The following KCNJ16 variants were observed in gnomAD, a reference collection of about 807,000 sequenced individuals.
KCNJ16 encodes the protein potassium inwardly rectifying channel subfamily J member 16.
In KCNJ16, 15 loss-of-function variants were observed where a neutral mutation model predicts 18.5. The ratio of observed to expected loss-of-function variants is 0.81; its 90% CI spans 0.54 to 1.25. KCNJ16 has a LOEUF of 1.25. Among genes scored for constraint, KCNJ16 ranks in the 50% most tolerant of loss-of-function variants. The pLI, the probability that KCNJ16 is intolerant of heterozygous loss-of-function variation, is 0.00. For synonymous variants in KCNJ16, 174 were observed against 186.5 expected (o/e 0.93, Z 0.55); for missense variants, 523 against 525.7 (o/e 0.99, Z 0.05).
chr17:70,088,874 A>G (rs4968879), intron 1 of KCNJ16, among the ~76,000 whole-genome samples: 125,911 of 152,106 alleles, frequency 0.83, 52,354 homozygotes, highest in East Asian at 0.99. Flanking sequence ...AATGACTTAA[A>G]ATATGTAGAT....
chr17:70,115,763 C>T (rs1203990966), intron 2 of KCNJ16, among the ~76,000 whole-genome samples: 1 of 152,156 alleles, frequency 6.6e-6, no homozygotes, highest in Admixed American at 6.6e-5. Context: ...ACTCCCTCTT[C>T]TCCCTCCCAC....
At chr17:70,108,109 C>T (rs561327259) in intron 2 of KCNJ16, among the ~76,000 whole-genome samples, 7 of 152,170 alleles carry the variant, frequency 4.6e-5, no homozygotes, top group East Asian at 1.9e-4. Context: ...GTCTCTACTG[C>T]ATGAATACAG....
At chr17:70,082,067 T>C (rs554474514) in intron 1 of KCNJ16, among the ~76,000 whole-genome samples, 1 of 152,256 alleles carries the variant, frequency 6.6e-6, no homozygotes, top group African/African-American at 2.4e-5. Flanking sequence ...TGTTGGTCAC[T>C]AGGCATGTAA....
chr17:70,111,432 T>C (rs1038008679), intron 2 of KCNJ16, among the ~76,000 whole-genome samples: 1 of 152,120 alleles, frequency 6.6e-6, no homozygotes. Context: ...CATCATAGAT[T>C]GTCTGCGGGC....
chr17:70,118,258 G>C (rs531092043), intron 2 of KCNJ16, among the ~76,000 whole-genome samples: 1 of 151,968 alleles, frequency 6.6e-6, no homozygotes, highest in African/African-American at 2.4e-5. Flanking sequence ...GGGGCCTGTC[G>C]GGGGTTCGGG....
At chr17:70,086,493 G>A (rs552405749) in intron 1 of KCNJ16, among the ~76,000 whole-genome samples, 136 of 152,266 alleles carry the variant, frequency 8.9e-4, no homozygotes, top group Non-Finnish European at 1.6e-3. Context: ...ACAAAAAGCT[G>A]TTAAGATTGT....
Position 70,132,074 on chromosome 17 carries a change from G to C in KCNJ16, c.-14G>C. ...CTACAAAACTCACCTGGATCCCTAA[G>C]GGCACAGCAAAGAATGAGCTATTAC... On this transcript the variant is annotated 5_prime_UTR_variant, in exon 4 of 4. Transcript: ENST00000392671. 2 of 1,613,960 alleles carry C rather than the reference G, an allele frequency of 1.2e-6. No homozygotes were observed. Among genetic ancestry groups the C allele is most frequent in the Non-Finnish European group, 1.7e-6 (2 of 1,179,998 alleles).
intron 1 of KCNJ16, chr17:70,096,765 C>A (rs1047882460): frequency 7.8e-6 from 3 of 385,108 alleles, no homozygotes; most frequent in Non-Finnish European, 9.2e-6. Flanking sequence ...TCAGAGCGAG[C>A]GTGAATGGAT....
At chr17:70,127,220 T>C (rs2073886021) in intron 2 of KCNJ16, among the ~76,000 whole-genome samples, 1 of 152,032 alleles carries the variant, frequency 6.6e-6, no homozygotes, top group South Asian at 2.1e-4. Context: ...TAGGACACCC[T>C]GCTCTGGGGA....
chr17:70,125,757 C>A (rs919556210), intron 2 of KCNJ16, among the ~76,000 whole-genome samples: 2 of 152,076 alleles, frequency 1.3e-5, no homozygotes, highest in African/African-American at 4.8e-5. Context: ...GGTGAAACCC[C>A]ATCTCTACTA....
rs563439546 is a variant in KCNJ16, at chr17:70,089,773, A to C, written c.-299-10885A>C. Among the ~76,000 whole-genome samples the C allele has an allele frequency of 2.0e-5, 3 of 152,348 alleles. No individual in the cohort carries two copies. The East Asian group carries it at 5.8e-4, about 29-fold the overall frequency. ...TTTATATGTACATAAAAAGATTAAAAGTTAGTTACTCCAGTATTTACAGAG... is the reference window on the plus strand; with the variant it reads ...TTTATATGTACATAAAAAGATTAAACGTTAGTTACTCCAGTATTTACAGAG... On this transcript the variant is annotated intron_variant, in intron 1 of 3. Coordinates refer to ENST00000392671, the MANE Select transcript of KCNJ16 (RefSeq NM_170741.4).
chr17:70,087,719 T>C (rs1436916087), intron 1 of KCNJ16, among the ~76,000 whole-genome samples: 1 of 150,932 alleles, frequency 6.6e-6, no homozygotes, highest in African/African-American at 2.4e-5. Flanking sequence ...AATAAATAAA[T>C]AAATAAATAA....
At chr17:70,090,841 A>C (rs756097910) in intron 1 of KCNJ16, among the ~76,000 whole-genome samples, 5 of 152,238 alleles carry the variant, frequency 3.3e-5, no homozygotes, top group Non-Finnish European at 5.9e-5. Flanking sequence ...CATTTTGTTT[A>C]GCTCAGTTGC....
chr17:70,078,496 T>A (rs566547815), intron 1 of KCNJ16, among the ~76,000 whole-genome samples: 5 of 152,226 alleles, frequency 3.3e-5, no homozygotes, highest in Non-Finnish European at 7.3e-5. Flanking sequence ...TTGCTCTCCT[T>A]TTAACTGAGA....
rs9302913 is a variant in KCNJ16, at chr17:70,132,759, A to C, written c.672A>C (p.Thr224=). The C allele has an allele frequency of 0.013, 21,146 of 1,613,972 alleles. 2,422 individuals are homozygous for C. The African/African-American group carries it at 0.25, about 19-fold the overall frequency. The change falls in exon 4 of 4, where the codon ACA becomes ACC. Residue 224 remains threonine (T), a synonymous_variant. Coordinates refer to ENST00000392671, the MANE Select transcript of KCNJ16 (RefSeq NM_170741.4). ...GTVRAQLLRY[T]EDSEGRMTMA... The stretch of plus-strand genomic sequence containing the variant: ...TTAGAGCCCAACTTCTCCGCTATAC[A>C]GAAGACAGTGAAGGGAGGATGACGA...
chr17:70,088,666 T>TGGTA (rs1439023432), intron 1 of KCNJ16, among the ~76,000 whole-genome samples: 2 of 152,192 alleles, frequency 1.3e-5, no homozygotes, highest in African/African-American at 2.4e-5. Flanking sequence ...GGGTAACTTA[T>TGGTA]GGTACACTTT....
At chr17:70,121,671 T>A (rs2073644126) in intron 2 of KCNJ16, among the ~76,000 whole-genome samples, 1 of 152,206 alleles carries the variant, frequency 6.6e-6, no homozygotes, top group South Asian at 2.1e-4. Flanking sequence ...GGGTCACACC[T>A]GTAATCCGAG....
chr17:70,098,658 C>A (rs1360599758), intron 1 of KCNJ16, among the ~76,000 whole-genome samples: 1 of 151,404 alleles, frequency 6.6e-6, no homozygotes, highest in Non-Finnish European at 1.5e-5. Flanking sequence ...AATTTTATTT[C>A]TAGCACTGTC....
intron 1 of KCNJ16, among the ~76,000 whole-genome samples, chr17:70,099,934 A>G (rs1240649755): frequency 6.6e-6 from 1 of 152,196 alleles, no homozygotes; most frequent in African/African-American, 2.4e-5. Context: ...ATTTCACTTC[A>G]GCACGGTTTG....
Sources: gnomAD v4.1 joint callset for allele counts (sites outside exome capture counted in the v4.1 genomes callset) on GRCh38, gnomAD v4.1.1 for gene constraint, MANE v1.5 for transcripts, NCBI Gene and HGNC (gene_info 2026-07-23, HGNC 2026-07-21) for gene names.